Variants in TMEM132B observed in about 807,000 individuals in gnomAD.
TMEM132B encodes the protein transmembrane protein 132B.
A neutral mutation model predicts 90.8 loss-of-function variants in TMEM132B; 18 were observed. The observed-to-expected ratio is 0.20, with a 90% CI of 0.14 to 0.29. TMEM132B has a LOEUF of 0.29. Ranked by LOEUF, TMEM132B falls within the 10% of genes least tolerant of loss-of-function variation. The probability of loss-of-function intolerance (pLI) is 1.00; values close to 1 mark genes in which losing one functional copy is unlikely to be tolerated. For missense variants in TMEM132B, 1,096 were observed against 1,326.8 expected, an observed-to-expected ratio of 0.83 and a Z score of 2.70; for synonymous variants, 504 against 523.3, an observed-to-expected ratio of 0.96 and a Z score of 0.50.
At chr12:125,307,706 T>C (rs946810779) in intron 1 of TMEM132B, among the ~76,000 whole-genome samples, 1 of 142,066 alleles carries the variant, frequency 7.0e-6, no homozygotes, top group East Asian at 2.6e-4. Flanking sequence ...CTTTATTTTC[T>C]TTATTTCAGA....
chr12:125,515,677 TCACA>T (rs944300649), intron 3 of TMEM132B, among the ~76,000 whole-genome samples: 11 of 150,448 alleles, frequency 7.3e-5, no homozygotes, highest in East Asian at 2.0e-4. Flanking sequence ...TTTCTCACAC[TCACA>T]CACATTCCCT....
At chr12:125,310,684 C>A (rs1876101737) in intron 1 of TMEM132B, among the ~76,000 whole-genome samples, 1 of 152,200 alleles carries the variant, frequency 6.6e-6, no homozygotes, top group Non-Finnish European at 1.5e-5. Flanking sequence ...CCTCTGGTTA[C>A]CATGGCAACC....
Position 125,413,638 on chromosome 12 carries a change from G to A in TMEM132B, c.960-1893G>A, listed in dbSNP as rs531424953. Among the ~76,000 whole-genome samples, 12 of 152,260 alleles carry A rather than the reference G, an allele frequency of 7.9e-5. No individual in the cohort carries two copies. The South Asian group carries it at 2.1e-3, about 26-fold the overall frequency. The stretch of plus-strand genomic sequence containing the variant: ...TCTGGCTTCTTTCACTCAGCATCAC[G>A]TTATCGAGGTTCATCACGTAGCATG... On this transcript the variant is annotated intron_variant, in intron 2 of 8. Coordinates refer to ENST00000682704, the MANE Select transcript of TMEM132B (RefSeq NM_001366854.1).
intron 3 of TMEM132B, among the ~76,000 whole-genome samples, chr12:125,506,221 A>G (rs1882845379): frequency 6.6e-6 from 1 of 152,370 alleles, no homozygotes; most frequent in Non-Finnish European, 1.5e-5. Flanking sequence ...GCACACAAAC[A>G]TGGATTAACC....
intron 2 of TMEM132B, among the ~76,000 whole-genome samples, chr12:125,363,579 C>G (rs963096012): frequency 2.0e-5 from 3 of 152,154 alleles, no homozygotes; most frequent in Admixed American, 1.3e-4. Context: ...CTAGGACTTT[C>G]TATTCCTTGT....
intron 3 of TMEM132B, among the ~76,000 whole-genome samples, chr12:125,416,212 A>T (rs1351033812): frequency 6.6e-6 from 1 of 152,184 alleles, no homozygotes; most frequent in African/African-American, 2.4e-5. Context: ...GTGTCACCTC[A>T]CATCAGGACA....
intron 5 of TMEM132B, among the ~76,000 whole-genome samples, chr12:125,621,483 C>A (rs1886110821): frequency 1.3e-5 from 2 of 152,006 alleles, no homozygotes; most frequent in South Asian, 4.2e-4. Context: ...ATTTGAAGAC[C>A]ATCAAAACTC....
At chr12:125,551,044 C>T (rs1884216484) in intron 4 of TMEM132B, among the ~76,000 whole-genome samples, 1 of 152,236 alleles carries the variant, frequency 6.6e-6, no homozygotes, top group South Asian at 2.1e-4. Flanking sequence ...AACTCCTGAC[C>T]TCAGGTGATC....
intron 3 of TMEM132B, among the ~76,000 whole-genome samples, chr12:125,517,359 T>TTTTTTTTTTTTTTTTTTC (rs1883191897): frequency 1.1e-5 from 1 of 89,528 alleles, no homozygotes; most frequent in African/African-American, 5.6e-5. Context: ...TTTTTTTTTT[T>TTTTTTTTTTTTTTTTTTC]TTTTTTGCAT....
At chr12:125,283,206 C>T (rs1423114660) in intron 1 of TMEM132B, among the ~76,000 whole-genome samples, 2 of 152,096 alleles carry the variant, frequency 1.3e-5, no homozygotes, top group African/African-American at 2.4e-5. Flanking sequence ...TGCAGAGTCA[C>T]CAAATTGTTC....
intron 3 of TMEM132B, among the ~76,000 whole-genome samples, chr12:125,475,994 C>T (rs1390730967): frequency 1.3e-5 from 2 of 151,900 alleles, no homozygotes; most frequent in African/African-American, 4.8e-5. Context: ...GATGTGTAAC[C>T]CTGCTTTCTG....
rs971561280 is a variant in TMEM132B, at chr12:125,251,630, C to T, written c.67+64764C>T. Among the ~76,000 whole-genome samples, 3 of 152,096 alleles carry T rather than the reference C, an allele frequency of 2.0e-5. No individual in the cohort carries two copies. Among genetic ancestry groups the T allele is most frequent in the East Asian group, 1.9e-4 (1 of 5,190 alleles). ...CAACGAGGCAACTGATACCCAGGCT[C>T]GGGGCTGCTGAGACAATAGGGAACG... is the stretch of plus-strand genomic sequence containing the variant. On this transcript the variant is annotated intron_variant, in intron 1 of 8. Coordinates refer to ENST00000682704, the MANE Select transcript of TMEM132B (RefSeq NM_001366854.1). The surrounding 1 kb of genome is among the most constrained non-coding windows in gnomAD (Gnocchi z 4.4).
At chr12:125,233,776 C>T (rs987629726) in intron 1 of TMEM132B, among the ~76,000 whole-genome samples, 2 of 152,226 alleles carry the variant, frequency 1.3e-5, no homozygotes, top group Non-Finnish European at 2.9e-5. Flanking sequence ...CAGAGCTTCT[C>T]AGCCACTGCT....
chr12:125,602,552 A>G (rs1566086468), intron 5 of TMEM132B, among the ~76,000 whole-genome samples: 1 of 152,256 alleles, frequency 6.6e-6, no homozygotes, highest in Non-Finnish European at 1.5e-5. Context: ...GAAAACCAGC[A>G]CAAGACAAGA....
At chr12:125,402,758 G>A (rs1441560501) in intron 2 of TMEM132B, among the ~76,000 whole-genome samples, 1 of 152,120 alleles carries the variant, frequency 6.6e-6, no homozygotes, top group African/African-American at 2.4e-5. Context: ...ATCAACAAGT[G>A]GTTTCTTGTT....
chr12:125,240,875 C>T (rs1874047609), intron 1 of TMEM132B, among the ~76,000 whole-genome samples: 1 of 152,208 alleles, frequency 6.6e-6, no homozygotes, highest in Admixed American at 6.5e-5. Context: ...ATGCCGGGCC[C>T]TCGTCCCATG....
chr12:125,309,893 C>T (rs1289347774), intron 1 of TMEM132B, among the ~76,000 whole-genome samples: 3 of 152,144 alleles, frequency 2.0e-5, no homozygotes, highest in Non-Finnish European at 4.4e-5. Flanking sequence ...TGTCATCATC[C>T]TAGGCAGCTC....
intron 1 of TMEM132B, among the ~76,000 whole-genome samples, chr12:125,187,400 C>G (rs1484608810): frequency 6.6e-6 from 1 of 152,198 alleles, no homozygotes. Flanking sequence ...TTCACACTGC[C>G]CTCCCCAAGC....
chr12:125,545,537 G>A (rs919674361), intron 4 of TMEM132B, among the ~76,000 whole-genome samples: 5 of 152,168 alleles, frequency 3.3e-5, no homozygotes, highest in African/African-American at 7.2e-5. Flanking sequence ...ACACAGACAC[G>A]AGATTTGGTG....
Sources: allele counts gnomAD v4.1 joint callset (sites outside exome capture counted in the v4.1 genomes callset), GRCh38; gene constraint gnomAD v4.1.1; non-coding constraint Gnocchi (gnomAD v3.1); transcripts MANE v1.5; gene names NCBI Gene and HGNC (gene_info 2026-07-23, HGNC 2026-07-21).